SLC22A5: variants seen among roughly 807,000 people sequenced by gnomAD.
SLC22A5 encodes solute carrier family 22 member 5.
Under a neutral mutation model 56.7 loss-of-function variants are expected in SLC22A5, and 44 were observed. The ratio of observed to expected loss-of-function variants is 0.78; its 90% CI spans 0.61 to 1.00. SLC22A5 has a LOEUF of 1.00. Ranked by LOEUF, SLC22A5 falls within the 50% of genes least tolerant of loss-of-function variation. SLC22A5 has a pLI of 0.00. For synonymous variants in SLC22A5, 278 were observed against 292.1 expected (o/e 0.95, Z 0.49); for missense variants, 675 against 723.0 (o/e 0.93, Z 0.76).
chr5:132,393,681 T>C lies in SLC22A5; in HGVS notation c.1456T>C (p.Tyr486His). ...LSPYFVYLGA[Y>H]DRFLPYILMG... ...CTCCGTCTGCTTTGCCATAGGTGCC[T>C]ACGACCGCTTCCTGCCCTACATTCT... The change falls in exon 9 of 10, where the codon TAC (tyrosine) becomes CAC (histidine). Residue 486 changes from tyrosine to histidine, a missense_variant. By Grantham distance (83) the Tyr-to-His change is moderately conservative. Transcript: ENST00000245407. 1 of 1,614,178 alleles carries C rather than the reference T, an allele frequency of 6.2e-7. No homozygotes were observed. The highest frequency in any genetic ancestry group is 8.5e-7 in the Non-Finnish European group (1 of 1,180,026).
chr5:132,385,115 A>G (rs540562421), intron 3 of SLC22A5, among the ~76,000 whole-genome samples: 2 of 152,236 alleles, frequency 1.3e-5, no homozygotes, highest in Admixed American at 6.5e-5. Context: ...TCAAGAGAGA[A>G]CTGTTGCTTG....
In SLC22A5 at chr5:132,384,289, G is replaced by T; in HGVS notation, c.640G>T (p.Ala214Ser). 3 of 1,614,216 alleles carry T rather than the reference G, an allele frequency of 1.9e-6. No homozygotes were observed. Among genetic ancestry groups the T allele is most frequent in the Non-Finnish European group, 2.5e-6 (3 of 1,180,030 alleles). Reference protein sequence around the residue: ...GMGQISNYVAAFVLGTEILGK... With the variant: ...GMGQISNYVASFVLGTEILGK... ...GGGCCAGATCTCCAACTATGTGGCA[G>T]CATTTGTCCTGGGTATGGCCATCAG... The change falls in exon 3 of 10, where the codon GCA becomes TCA. Residue 214 changes from alanine (A) to serine (S), a missense_variant. Ala to Ser is a moderately conservative substitution (Grantham distance 99). Coordinates refer to ENST00000245407, the MANE Select transcript of SLC22A5 (RefSeq NM_003060.4).
intron 2 of SLC22A5, chr5:132,382,549 C>A: frequency 6.6e-6 from 1 of 152,280 alleles, no homozygotes. Context: ...AGCTTGGTCC[C>A]TACACCTTAA....
At chr5:132,374,084 T>G (rs610735) in intron 1 of SLC22A5, among the ~76,000 whole-genome samples, 2 of 151,682 alleles carry the variant, frequency 1.3e-5, no homozygotes, top group Non-Finnish European at 2.9e-5. Flanking sequence ...TGCGTGGTGG[T>G]GGGTGCCTGT....
At chr5:132,392,988 G>A (rs1470511342) in intron 8 of SLC22A5, among the ~76,000 whole-genome samples, 1 of 152,192 alleles carries the variant, frequency 6.6e-6, no homozygotes, top group African/African-American at 2.4e-5. Flanking sequence ...AACATGAGGG[G>A]AAAGATGTCC....
intron 4 of SLC22A5, among the ~76,000 whole-genome samples, chr5:132,385,953 G>A (rs976837820): frequency 5.9e-5 from 9 of 152,262 alleles, no homozygotes; most frequent in African/African-American, 2.2e-4. Context: ...AGGCAGAGAA[G>A]AGGCCATTCC....
intron 2 of SLC22A5, 190 bp from the exon 3 acceptor site, chr5:132,383,957 G>A (rs995454813): frequency 3.1e-6 from 2 of 647,590 alleles, no homozygotes; most frequent in African/African-American, 3.6e-5. Context: ...CTGTACATTT[G>A]TCATGGGGAG....
chr5:132,373,615 G>A (rs1344220508), intron 1 of SLC22A5, among the ~76,000 whole-genome samples: 1 of 152,100 alleles, frequency 6.6e-6, no homozygotes, highest in Non-Finnish European at 1.5e-5. Context: ...TAGCCTGGGC[G>A]ACAAAGCGAG....
At chr5:132,391,571 C>T (rs904013595) in intron 7 of SLC22A5, among the ~76,000 whole-genome samples, 4 of 152,162 alleles carry the variant, frequency 2.6e-5, no homozygotes, top group East Asian at 1.9e-4. Context: ...GCAAAGGCAG[C>T]GACCCTGAGC....
At position 132,378,376 on chromosome 5, in the gene SLC22A5, A is replaced by T. The variant is rs377724489; in HGVS notation, c.394-2A>T. 1 of 1,614,044 alleles carries T rather than the reference A, an allele frequency of 6.2e-7. No homozygotes were observed. The highest frequency in any genetic ancestry group is 8.5e-7 in the Non-Finnish European group (1 of 1,179,864). Reference sequence around the variant, plus strand: ...GATACACCCCCTTTGCTCATCTTGCAGTGGAACCTGGTGTGTGAGGACGAC... The same window carrying T: ...GATACACCCCCTTTGCTCATCTTGCTGTGGAACCTGGTGTGTGAGGACGAC... On this transcript the variant is annotated splice_acceptor_variant, in intron 1 of 9. Coordinates refer to ENST00000245407, the MANE Select transcript of SLC22A5 (RefSeq NM_003060.4). LOFTEE classifies it high-confidence loss of function.
At position 132,370,382 on chromosome 5, in the gene SLC22A5, G is replaced by C; in HGVS notation, c.393+17G>C. ...GTGACCGAGGTGGGTGCCGGCCCCT[G>C]CTGGGGCTGAGACCAGGGCTCGGAG... On this transcript the variant is annotated intron_variant, in intron 1 of 9. Transcript: ENST00000245407. The C allele has an allele frequency of 6.2e-7, 1 of 1,610,792 alleles. No homozygotes were observed. The highest frequency in any genetic ancestry group is 2.2e-5 in the East Asian group (1 of 44,820).
chr5:132,385,370 C>T lies in SLC22A5; in HGVS notation c.695C>T (p.Thr232Met), dbSNP rs114269482. The T allele has an allele frequency of 1.4e-4, 219 of 1,614,052 alleles. No individual in the cohort carries two copies. Among genetic ancestry groups the T allele is most frequent in the African/African-American group, 2.0e-4 (15 of 75,056 alleles). Reference protein sequence around the residue: ...LGKSVRIIFSTLGVCIFYAFG... With the variant: ...LGKSVRIIFSMLGVCIFYAFG... ...AAGTCAGTTCGTATAATATTCTCTA[C>T]GTTAGGAGTGTGCATATTTTATGCA... The change falls in exon 4 of 10, where the codon ACG becomes ATG. Residue 232 changes from threonine to methionine, a missense_variant. Thr to Met is a moderately conservative substitution (Grantham distance 81, BLOSUM62 -1). Coordinates refer to ENST00000245407, the MANE Select transcript of SLC22A5 (RefSeq NM_003060.4).
At chr5:132,370,665 C>T (rs1449326783) in intron 1 of SLC22A5, among the ~76,000 whole-genome samples, 3 of 152,196 alleles carry the variant, frequency 2.0e-5, no homozygotes, top group Non-Finnish European at 4.4e-5. Flanking sequence ...CTCTATGGCC[C>T]TGTGTGTCCA....
chr5:132,373,098 G>A (rs761750631), intron 1 of SLC22A5, among the ~76,000 whole-genome samples: 18 of 152,288 alleles, frequency 1.2e-4, no homozygotes, highest in Non-Finnish European at 1.9e-4. Context: ...TGGATGCAGA[G>A]GGAGGTTCTC....
chr5:132,388,806 C>T, intron 5 of SLC22A5, 115 bp from the exon 6 acceptor site: 1 of 771,266 alleles, frequency 1.3e-6, no homozygotes, highest in Non-Finnish European at 2.3e-6. Flanking sequence ...AAACGTAACA[C>T]TCCCCGACGC....
rs756692135 is a variant in SLC22A5, at chr5:132,370,380, C to T, written c.393+15C>T. The T allele has an allele frequency of 1.9e-6, 3 of 1,610,954 alleles. No individual in the cohort carries two copies. The highest frequency in any genetic ancestry group is 2.5e-6 in the Non-Finnish European group (3 of 1,179,332). ...TTGTGACCGAGGTGGGTGCCGGCCC[C>T]TGCTGGGGCTGAGACCAGGGCTCGG... On this transcript the variant is annotated intron_variant, in intron 1 of 9. Coordinates refer to ENST00000245407, the MANE Select transcript of SLC22A5 (RefSeq NM_003060.4).
chr5:132,378,011 T>C, intron 1 of SLC22A5: 1 of 1,273,240 alleles, frequency 7.9e-7, no homozygotes. Flanking sequence ...GCCAATGGCC[T>C]GAACCCCACT....
intron 2 of SLC22A5, chr5:132,383,849 C>A: frequency 2.8e-6 from 1 of 354,416 alleles, no homozygotes; most frequent in Non-Finnish European, 5.2e-6. Context: ...AAAAAAATAT[C>A]ATTATGAATG....
At position 132,385,477 on chromosome 5, in the gene SLC22A5, G is replaced by A. The variant is rs774311428; in HGVS notation, c.802G>A (p.Val268Met). 21 of 1,614,070 alleles carry A rather than the reference G, an allele frequency of 1.3e-5. No individual in the cohort carries two copies. Among genetic ancestry groups the A allele is most frequent in the Non-Finnish European group, 1.7e-5 (20 of 1,180,032 alleles). ...MLLVALTMPG[V>M]LCVALWWFIP... ...GCTGGTGGCGCTGACGATGCCGGGG[G>A]TGCTATGCGTGGCACTCTGGTGGTG... Residue 268 changes from valine to methionine, a missense_variant, in exon 4 of 10, where the codon GTG becomes ATG. By Grantham distance (21) the Val-to-Met change is conservative (BLOSUM62 1). Transcript: ENST00000245407.
Sources: allele counts gnomAD v4.1 joint callset (sites outside exome capture counted in the v4.1 genomes callset), GRCh38; gene constraint gnomAD v4.1.1; transcripts MANE v1.5; gene names NCBI Gene and HGNC (gene_info 2026-07-23, HGNC 2026-07-21).